The following PRKG1 variants were observed in gnomAD, a reference collection of about 807,000 sequenced individuals.
PRKG1 encodes the protein protein kinase cGMP-dependent 1, also known as cGMP-dependent protein kinase 1.
Under a neutral mutation model 88.1 loss-of-function variants are expected in PRKG1, and 35 were observed. The ratio of observed to expected loss-of-function variants is 0.40; its 90% CI spans 0.30 to 0.53. The LOEUF (loss-of-function observed/expected upper bound fraction) is 0.53, where lower values mean the gene tolerates loss of function less well. Among genes scored for constraint, PRKG1 ranks in the 20% least tolerant of loss-of-function variants. The probability of loss-of-function intolerance (pLI) is 0.59; values close to 1 mark genes in which losing one functional copy is unlikely to be tolerated. For missense variants in PRKG1, 540 were observed against 839.8 expected, an observed-to-expected ratio of 0.64 and a Z score of 4.41; for synonymous variants, 303 against 292.5, an observed-to-expected ratio of 1.04 and a Z score of -0.37.
At chr10:51,831,747 G>A (rs774345902) in intron 4 of PRKG1, among the ~76,000 whole-genome samples, 2 of 151,992 alleles carry the variant, frequency 1.3e-5, no homozygotes, top group African/African-American at 2.4e-5. Flanking sequence ...GCCCATCCTC[G>A]GCCCTTAAAA....
chr10:51,834,583 G>A (rs185082212), intron 4 of PRKG1, among the ~76,000 whole-genome samples: 79 of 151,982 alleles, frequency 5.2e-4, no homozygotes, highest in Non-Finnish European at 1.0e-3. Flanking sequence ...TGAGGCTGCA[G>A]TGATTCATGA....
chr10:51,216,923 T>G (rs928989135), intron 2 of PRKG1, among the ~76,000 whole-genome samples: 1 of 152,142 alleles, frequency 6.6e-6, no homozygotes, highest in South Asian at 2.1e-4. Context: ...ACTTACAACT[T>G]GTATACATGA....
intron 7 of PRKG1, among the ~76,000 whole-genome samples, chr10:52,063,069 G>A (rs1846274933): frequency 6.6e-6 from 1 of 152,204 alleles, no homozygotes; most frequent in African/African-American, 2.4e-5. Context: ...TGTGGCTGGT[G>A]GGCGCCTTCA....
intron 10 of PRKG1, among the ~76,000 whole-genome samples, chr10:52,256,032 C>A (rs1464008644): frequency 7.0e-6 from 1 of 142,224 alleles, no homozygotes; most frequent in Non-Finnish European, 1.6e-5. Context: ...GGTTTAAGGC[C>A]ACTTAGTCAT....
intron 2 of PRKG1, among the ~76,000 whole-genome samples, chr10:51,303,810 TATACAC>T (rs1288066575): frequency 6.6e-6 from 1 of 151,778 alleles, no homozygotes; most frequent in Non-Finnish European, 1.5e-5. Context: ...TCTATATATA[TATACAC>T]ACACACACAC....
At chr10:51,368,863 A>G (rs1270111641) in intron 2 of PRKG1, among the ~76,000 whole-genome samples, 3 of 152,114 alleles carry the variant, frequency 2.0e-5, no homozygotes, top group Non-Finnish European at 4.4e-5. Context: ...CAAATCAACA[A>G]CCATCAGGAA....
chr10:51,615,657 G>GTT (rs151175931), intron 3 of PRKG1, among the ~76,000 whole-genome samples: 50 of 128,632 alleles, frequency 3.9e-4, no homozygotes, highest in Non-Finnish European at 6.0e-4. Context: ...ACTCTGCTTG[G>GTT]TTCTTTTTTT....
At chr10:52,029,028 G>A (rs779657618) in intron 5 of PRKG1, among the ~76,000 whole-genome samples, 4 of 152,270 alleles carry the variant, frequency 2.6e-5, no homozygotes, top group Admixed American at 2.6e-4. Flanking sequence ...ATTAAAAATA[G>A]GTCACTTAAG....
chr10:52,148,951 G>C (rs1479454993), intron 8 of PRKG1, among the ~76,000 whole-genome samples: 1 of 115,694 alleles, frequency 8.6e-6, no homozygotes, highest in Non-Finnish European at 1.6e-5. Context: ...ACAGAGGATA[G>C]TTTTGCTTTT....
intron 2 of PRKG1, among the ~76,000 whole-genome samples, chr10:51,307,684 C>A (rs1006716742): frequency 6.6e-6 from 1 of 152,030 alleles, no homozygotes; most frequent in Admixed American, 6.6e-5. Context: ...TACTTTATGA[C>A]AGTTAATTTT....
At chr10:51,717,121 G>A (rs571255595) in intron 3 of PRKG1, among the ~76,000 whole-genome samples, 12 of 152,324 alleles carry the variant, frequency 7.9e-5, no homozygotes, top group African/African-American at 2.4e-4. Flanking sequence ...TAAGGAAGCC[G>A]TGAAAGCACC....
rs757491018 is a variant in PRKG1, at chr10:51,179,199, C to T, written c.478+25869C>T. On this transcript the variant is annotated intron_variant, in intron 2 of 17. Coordinates refer to ENST00000373980, the MANE Select transcript of PRKG1 (RefSeq NM_006258.4). ...AAGAGGCTACTATTATCAAGAAATA[C>T]ATCAAAAAGTAAATTCTTTGGACTC... Among the ~76,000 whole-genome samples the T allele has an allele frequency of 5.3e-5, 8 of 152,130 alleles. No homozygotes were observed. The South Asian group carries it at 6.2e-4, about 12-fold the overall frequency.
chr10:50,991,168 C>A lies in PRKG1; in HGVS notation c.-211C>A. ...TCGCTTTTAGACTTCTCATCCTCCC[C>A]TCGGTGCTTTTAGTCCATTCAGCAG... On this transcript the variant is annotated 5_prime_UTR_variant, in exon 1 of 18. Transcript: ENST00000401604. The surrounding 1 kb of genome is among the most constrained non-coding windows in gnomAD (Gnocchi z 4.5). 1.6e-6 allele frequency: 1 copy of A among 613,744 alleles called. No individual in the cohort carries two copies. 38.0% of individuals were successfully genotyped at this position (613,744 alleles called of 1,614,324 possible).
chr10:51,809,374 A>G (rs1437696496), intron 4 of PRKG1, among the ~76,000 whole-genome samples: 3 of 152,170 alleles, frequency 2.0e-5, no homozygotes, highest in Non-Finnish European at 4.4e-5. Flanking sequence ...AGTTGCCAGC[A>G]TTTTCTGTCA....
At chr10:51,108,826 T>C (rs1844911357) in intron 1 of PRKG1, among the ~76,000 whole-genome samples, 1 of 152,196 alleles carries the variant, frequency 6.6e-6, no homozygotes, top group Admixed American at 6.6e-5. Flanking sequence ...GGAGTATAAA[T>C]AGCTTTTTTT....
At chr10:51,269,055 C>A (rs1839909962) in intron 2 of PRKG1, among the ~76,000 whole-genome samples, 1 of 151,956 alleles carries the variant, frequency 6.6e-6, no homozygotes, top group South Asian at 2.1e-4. Flanking sequence ...AAAAAGTGGG[C>A]AAAGGGCATG....
chr10:51,697,872 T>C, intron 3 of PRKG1: 1 of 1,613,714 alleles, frequency 6.2e-7, no homozygotes, highest in Non-Finnish European at 8.5e-7. Context: ...CTAAAACTGC[T>C]AGGCTGGCTT....
chr10:51,807,027 T>C (rs1483530643), intron 4 of PRKG1, among the ~76,000 whole-genome samples: 2 of 152,198 alleles, frequency 1.3e-5, no homozygotes, highest in South Asian at 2.1e-4. Context: ...ATCTCTGCCA[T>C]GTGTTTTATT....
At chr10:51,839,309 T>C (rs1040082588) in intron 4 of PRKG1, among the ~76,000 whole-genome samples, 1 of 152,216 alleles carries the variant, frequency 6.6e-6, no homozygotes, top group African/African-American at 2.4e-5. Flanking sequence ...CAGAGTTTCA[T>C]ATTCAAAGTG....
Sources: allele counts gnomAD v4.1 joint callset (sites outside exome capture counted in the v4.1 genomes callset), GRCh38; gene constraint gnomAD v4.1.1; non-coding constraint Gnocchi (gnomAD v3.1); transcripts MANE v1.5; gene names NCBI Gene and HGNC (gene_info 2026-07-23, HGNC 2026-07-21).